Variants in TNFRSF19 observed in about 807,000 individuals in gnomAD.
The protein encoded by TNFRSF19 is TNF receptor superfamily member 19, also known as tumor necrosis factor receptor superfamily member 19.
A neutral mutation model predicts 46.4 loss-of-function variants in TNFRSF19; 27 were observed. The ratio of observed to expected loss-of-function variants is 0.58; its 90% CI spans 0.43 to 0.80. TNFRSF19 has a LOEUF of 0.80. Ranked by LOEUF, TNFRSF19 falls within the 30% of genes least tolerant of loss-of-function variation. The pLI is 0.00. For missense variants in TNFRSF19, 511 were observed against 530.8 expected (o/e 0.96, Z 0.37); for synonymous variants, 204 against 205.0 (o/e 1.00, Z 0.04).
chr13:23,626,911 C>G (rs1230400196), intron 5 of TNFRSF19, 119 bp downstream of exon 5: 5 of 864,148 alleles, frequency 5.8e-6, no homozygotes, highest in Non-Finnish European at 7.1e-6. Context: ...GTGGGGTGTA[C>G]AGTGTGTCCT....
At chr13:23,670,900 T>A (rs997315920) in intron 9 of TNFRSF19, among the ~76,000 whole-genome samples, 1 of 152,242 alleles carries the variant, frequency 6.6e-6, no homozygotes, top group Non-Finnish European at 1.5e-5. Flanking sequence ...GCCAGCTGAC[T>A]AATGACTGTT....
chr13:23,671,171 C>T (rs1327979119), intron 9 of TNFRSF19, among the ~76,000 whole-genome samples: 1 of 152,092 alleles, frequency 6.6e-6, no homozygotes, highest in Non-Finnish European at 1.5e-5. Flanking sequence ...TCATGACTTA[C>T]TAACTCTTTT....
At chr13:23,605,923 C>G (rs1235800318) in intron 3 of TNFRSF19, among the ~76,000 whole-genome samples, 3 of 151,994 alleles carry the variant, frequency 2.0e-5, no homozygotes, top group Non-Finnish European at 4.4e-5. Context: ...GAATATAACA[C>G]CAAGAATAAA....
At chr13:23,607,576 A>C (rs918007413) in intron 3 of TNFRSF19, among the ~76,000 whole-genome samples, 2 of 152,240 alleles carry the variant, frequency 1.3e-5, no homozygotes, top group Admixed American at 1.3e-4. Context: ...AAAACTTTTT[A>C]AAGTTAATTA....
rs1373300457 is a variant in TNFRSF19 at position 23,664,494 on chromosome 13, C to CCT, written c.737-3481_737-3480dup. Among the ~76,000 whole-genome samples the CCT allele has an allele frequency of 8.5e-5, 13 of 152,270 alleles. No individual in the cohort carries two copies. The South Asian group carries it at 2.7e-3, about 32-fold the overall frequency. ...ATTAAAACCCTCTATAGCCAACCAC[C>CCT]CTCTCTACAAGTCTGTCCCAGTTCC... On this transcript the variant is annotated intron_variant, in intron 7 of 9. Transcript: ENST00000248484.
chr13:23,573,665 A>G (rs967549266), intron 1 of TNFRSF19, among the ~76,000 whole-genome samples: 8 of 152,206 alleles, frequency 5.3e-5, no homozygotes, highest in Admixed American at 3.3e-4. Context: ...GACAAACTCA[A>G]TGTGCATTTC....
Position 23,674,326 on chromosome 13 carries a change from C to G in TNFRSF19, c.*946C>G, listed in dbSNP as rs551370760. 1 of 152,274 alleles carries G rather than the reference C, an allele frequency of 6.6e-6. No individual in the cohort carries two copies. The highest frequency in any genetic ancestry group is 2.1e-4 in the South Asian group (1 of 4,820). The allele number at this position is 152,274 out of a possible 1,614,324, so 9.4% of individuals were successfully genotyped here. On this transcript the variant is annotated 3_prime_UTR_variant, in exon 10 of 10. Coordinates refer to ENST00000248484, the MANE Select transcript of TNFRSF19 (RefSeq NM_148957.4). ...TAGAAATTACAACATATCAGGTTCC[C>G]CTACTACTGAAGTAGCCTTCCGTGA...
chr13:23,660,194 A>G (rs1172386906), intron 6 of TNFRSF19, among the ~76,000 whole-genome samples, 171 bp from the exon 7 acceptor site: 4 of 152,360 alleles, frequency 2.6e-5, no homozygotes, highest in African/African-American at 9.6e-5. Flanking sequence ...AGTACCCTAC[A>G]TTTTGAACTT....
rs1423793378 is a variant in TNFRSF19 at position 23,674,391 on chromosome 13, T to G, written c.*1011T>G. On this transcript the variant is annotated 3_prime_UTR_variant, in exon 10 of 10. Coordinates refer to ENST00000248484, the MANE Select transcript of TNFRSF19 (RefSeq NM_148957.4). ...TTAGGACTAGAAGAAAATGCACAAT[T>G]TGTAGGGGTTTGGATGAAGCAGCTG... 2.0e-5 allele frequency: 3 copies of G among 152,196 alleles called. No individual in the cohort carries two copies. The highest frequency in any genetic ancestry group is 4.4e-5 in the Non-Finnish European group (3 of 68,038). 9.4% of individuals were successfully genotyped at this position (152,196 alleles called of 1,614,324 possible). A position where few individuals can be genotyped will look rare whatever the true frequency, so the allele number is the denominator to read the frequency against.
chr13:23,646,477 A>G (rs1312332115), intron 5 of TNFRSF19, among the ~76,000 whole-genome samples: 2 of 152,030 alleles, frequency 1.3e-5, no homozygotes, highest in African/African-American at 4.8e-5. Flanking sequence ...TTTATAATCT[A>G]CTTTCTGTCT....
intron 5 of TNFRSF19, among the ~76,000 whole-genome samples, chr13:23,654,563 T>C (rs1031305952): frequency 6.6e-6 from 1 of 152,188 alleles, no homozygotes; most frequent in Non-Finnish European, 1.5e-5. Context: ...TGGAAAGCCC[T>C]GTGACTGCTC....
rs1231533268 is a variant in TNFRSF19, at chr13:23,668,828, T to A, written c.976T>A (p.Tyr326Asn). ...GGDNISFCDS[Y>N]PELTGEDIHS... ...TGACAACATCTCTTTTTGTGACTCT[T>A]ATCCTGAACTCACTGGAGAAGACAT... is the stretch of plus-strand genomic sequence containing the variant. Residue 326 changes from tyrosine to asparagine, a missense_variant, in exon 9 of 10, where the codon TAT (tyrosine) becomes AAT (asparagine). Transcript: ENST00000248484. 4.3e-6 allele frequency: 7 copies of A among 1,614,148 alleles called. No individual in the cohort carries two copies. The highest frequency in any genetic ancestry group is 5.9e-6 in the Non-Finnish European group (7 of 1,180,064).
At chr13:23,664,891 G>C (rs552077353) in intron 7 of TNFRSF19, among the ~76,000 whole-genome samples, 1 of 152,288 alleles carries the variant, frequency 6.6e-6, no homozygotes, top group South Asian at 2.1e-4. Flanking sequence ...TCTAAACATA[G>C]AAAAGGTACA....
intron 9 of TNFRSF19, among the ~76,000 whole-genome samples, chr13:23,670,555 T>C (rs1951743262): frequency 6.6e-6 from 1 of 152,234 alleles, no homozygotes; most frequent in Non-Finnish European, 1.5e-5. Flanking sequence ...CTTGTTCTTT[T>C]GAGCCATCCA....
intron 7 of TNFRSF19, among the ~76,000 whole-genome samples, chr13:23,663,374 C>T (rs1054301675): frequency 4.6e-5 from 7 of 152,112 alleles, no homozygotes; most frequent in African/African-American, 1.7e-4. Flanking sequence ...CCTGCTTGAT[C>T]GTGGTGGATT....
rs943929013 is a variant in TNFRSF19, at chr13:23,637,560, A to G, written c.445+10768A>G. On this transcript the variant is annotated intron_variant, in intron 5 of 9. Coordinates refer to ENST00000248484, the MANE Select transcript of TNFRSF19 (RefSeq NM_148957.4). The stretch of plus-strand genomic sequence containing the variant: ...TATAAGTGAATTAATACCGGTATCA[A>G]TTCTGCTGGCATAGAGGATAGCAGG... Among the ~76,000 whole-genome samples the G allele has an allele frequency of 4.6e-5, 7 of 152,216 alleles. No individual in the cohort carries two copies. In the South Asian group the frequency reaches 1.4e-3, roughly 32 times the overall value.
intron 7 of TNFRSF19, among the ~76,000 whole-genome samples, chr13:23,665,510 T>A (rs559190378): frequency 2.3e-4 from 35 of 152,314 alleles, no homozygotes; most frequent in African/African-American, 8.2e-4. Context: ...AAATCAGTCA[T>A]AATTACAGAA....
intron 5 of TNFRSF19, among the ~76,000 whole-genome samples, chr13:23,653,564 G>T (rs1883786042): frequency 6.6e-6 from 1 of 152,194 alleles, no homozygotes; most frequent in Non-Finnish European, 1.5e-5. Flanking sequence ...CAGCAGCTGA[G>T]GTGCAGTCCT....
At position 23,604,798 on chromosome 13, in the gene TNFRSF19, T is replaced by G. The variant is rs186950887; in HGVS notation, c.181-11069T>G. On this transcript the variant is annotated intron_variant, in intron 3 of 9. Transcript: ENST00000248484. ...GATCTAAAACAACTTGACATCCACA[T>G]GCAAAAAATGAATCTAGACACACCT... Among the ~76,000 whole-genome samples the G allele has an allele frequency of 7.9e-5, 12 of 152,170 alleles. No individual in the cohort carries two copies. In the East Asian group the frequency reaches 2.1e-3, roughly 27 times the overall value.
Sources: allele counts gnomAD v4.1 joint callset (sites outside exome capture counted in the v4.1 genomes callset), GRCh38; gene constraint gnomAD v4.1.1; transcripts MANE v1.5; gene names NCBI Gene and HGNC (gene_info 2026-07-23, HGNC 2026-07-21).